Variants in GPC6 observed in about 807,000 individuals in gnomAD.
GPC6 encodes the protein glypican-6.
In GPC6, 14 loss-of-function variants were observed where a neutral mutation model predicts 55.2. That is an observed-to-expected ratio of 0.25 (90% CI 0.17 to 0.40). GPC6 has a LOEUF of 0.40. GPC6 is among the 10% of genes least tolerant of loss of function. The pLI, the probability that GPC6 is intolerant of heterozygous loss-of-function variation, is 1.00. For synonymous variants in GPC6, 278 were observed against 259.6 expected (o/e 1.07, Z -0.68); for missense variants, 641 against 708.5 (o/e 0.90, Z 1.08).
intron 2 of GPC6, among the ~76,000 whole-genome samples, chr13:93,716,802 A>G (rs960311482): frequency 2.6e-5 from 4 of 151,572 alleles, no homozygotes; most frequent in African/African-American, 9.7e-5. Context: ...TCAATCACTG[A>G]CTCACCAAAT....
chr13:94,354,048 A>G (rs1049026480), intron 6 of GPC6, among the ~76,000 whole-genome samples: 1 of 152,248 alleles, frequency 6.6e-6, no homozygotes, highest in Non-Finnish European at 1.5e-5. Flanking sequence ...CCATGGCTAC[A>G]TGTGCTTGAT....
intron 4 of GPC6, among the ~76,000 whole-genome samples, chr13:94,049,388 G>A (rs959725128): frequency 1.4e-4 from 21 of 152,102 alleles, no homozygotes; most frequent in African/African-American, 4.3e-4. Context: ...TGATTGAAGA[G>A]TGGCATCTAT....
chr13:93,578,819 T>A (rs1876797975), intron 2 of GPC6, among the ~76,000 whole-genome samples: 1 of 152,068 alleles, frequency 6.6e-6, no homozygotes, highest in Non-Finnish European at 1.5e-5. Context: ...TGTCTGTGTT[T>A]ATTGTTATAA....
intron 2 of GPC6, among the ~76,000 whole-genome samples, chr13:93,633,634 TCAAA>T (rs1879568802): frequency 7.6e-6 from 1 of 131,632 alleles, no homozygotes; most frequent in Admixed American, 7.8e-5. Flanking sequence ...AGACTCTGTC[TCAAA>T]TAAATAAATA....
At chr13:94,050,197 G>C (rs1200292670) in intron 4 of GPC6, among the ~76,000 whole-genome samples, 1 of 152,062 alleles carries the variant, frequency 6.6e-6, no homozygotes, top group Non-Finnish European at 1.5e-5. Flanking sequence ...GTTTTGTTTT[G>C]CCATATTCTC....
At position 94,237,304 on chromosome 13, in the gene GPC6, CTTCT is replaced by C. The variant is rs201054980; in HGVS notation, c.878-49038_878-49035del. Reference sequence around the variant, plus strand: ...TCCCCCTTTCTTCCTCCCTTCCTTCCTTCTTTCTTTTCTCCATCCTTCCCTTCCT... The same window carrying C: ...TCCCCCTTTCTTCCTCCCTTCCTTCCTTCTTTTCTCCATCCTTCCCTTCCT... On this transcript the variant is annotated intron_variant, in intron 4 of 8. Transcript: ENST00000377047. Among the ~76,000 whole-genome samples, 676 of 149,282 alleles carry C rather than the reference CTTCT, an allele frequency of 4.5e-3. 4 individuals are homozygous for C. Among genetic ancestry groups the C allele is most frequent in the Admixed American group, 8.0e-3 (120 of 14,998 alleles).
chr13:93,595,069 T>C (rs1318863819), intron 2 of GPC6, among the ~76,000 whole-genome samples: 1 of 152,166 alleles, frequency 6.6e-6, no homozygotes, highest in African/African-American at 2.4e-5. Flanking sequence ...GTTTTGACAT[T>C]CTTTTTCTAT....
intron 2 of GPC6, among the ~76,000 whole-genome samples, chr13:93,560,193 G>A (rs560601316): frequency 6.6e-6 from 1 of 152,174 alleles, no homozygotes; most frequent in Admixed American, 6.5e-5. Flanking sequence ...AGATGAAGTT[G>A]AGGAAAGTAT....
At chr13:94,099,182 T>C (rs536998156) in intron 4 of GPC6, among the ~76,000 whole-genome samples, 62 of 152,310 alleles carry the variant, frequency 4.1e-4, no homozygotes, top group Middle Eastern at 3.4e-3. Flanking sequence ...CTTAAATGTC[T>C]TATGGACATA....
At chr13:93,245,596 G>A (rs1386093063) in intron 1 of GPC6, among the ~76,000 whole-genome samples, 1 of 152,180 alleles carries the variant, frequency 6.6e-6, no homozygotes, top group Admixed American at 6.5e-5. Flanking sequence ...TGATGTTGTT[G>A]GGTCAGGTAT....
chr13:93,775,396 T>A (rs1263916015), intron 2 of GPC6, among the ~76,000 whole-genome samples: 2 of 152,166 alleles, frequency 1.3e-5, no homozygotes, highest in African/African-American at 2.4e-5. Context: ...TCATCTAGGT[T>A]TTAGGTTTCG....
At chr13:94,203,062 A>G (rs962997357) in intron 4 of GPC6, among the ~76,000 whole-genome samples, 1 of 151,884 alleles carries the variant, frequency 6.6e-6, no homozygotes, top group African/African-American at 2.4e-5. Context: ...GTGATAGATT[A>G]AAAAGGTTTT....
At chr13:93,365,739 G>A (rs1881223536) in intron 1 of GPC6, among the ~76,000 whole-genome samples, 1 of 151,992 alleles carries the variant, frequency 6.6e-6, no homozygotes, top group Non-Finnish European at 1.5e-5. Context: ...AGGACCAGAT[G>A]ACTGTGTATG....
At chr13:93,548,673 G>T (rs1874958921) in intron 2 of GPC6, among the ~76,000 whole-genome samples, 1 of 152,040 alleles carries the variant, frequency 6.6e-6, no homozygotes, top group African/African-American at 2.4e-5. Context: ...ATACTCATCG[G>T]ATGGTAGGAA....
intron 4 of GPC6, among the ~76,000 whole-genome samples, chr13:94,082,907 G>A (rs566604429): frequency 6.6e-6 from 1 of 152,260 alleles, no homozygotes; most frequent in East Asian, 1.9e-4. Context: ...TGTCCACCCA[G>A]AATGTAGTAT....
At chr13:93,294,514 C>T (rs989523302) in intron 1 of GPC6, among the ~76,000 whole-genome samples, 2 of 152,106 alleles carry the variant, frequency 1.3e-5, no homozygotes, top group African/African-American at 4.8e-5. Context: ...GATTTGGTGC[C>T]TGTGTAAGGT....
intron 4 of GPC6, among the ~76,000 whole-genome samples, chr13:94,060,791 T>C (rs1456713160): frequency 6.6e-6 from 1 of 152,190 alleles, no homozygotes; most frequent in Non-Finnish European, 1.5e-5. Flanking sequence ...GAGTCAAGTG[T>C]CTTCCTGGGA....
At chr13:93,426,673 T>C (rs1444414953) in intron 1 of GPC6, among the ~76,000 whole-genome samples, 1 of 152,050 alleles carries the variant, frequency 6.6e-6, no homozygotes, top group African/African-American at 2.4e-5. Context: ...GTCTTTGCTA[T>C]TGTGAATAGT....
At chr13:93,677,740 G>A (rs185897137) in intron 2 of GPC6, among the ~76,000 whole-genome samples, 2 of 152,066 alleles carry the variant, frequency 1.3e-5, no homozygotes, top group Admixed American at 1.3e-4. Flanking sequence ...CAGAGATAAG[G>A]GTAAAATACT....
Sources: allele counts gnomAD v4.1 joint callset (sites outside exome capture counted in the v4.1 genomes callset), GRCh38; gene constraint gnomAD v4.1.1; transcripts MANE v1.5; gene names NCBI Gene and HGNC (gene_info 2026-07-23, HGNC 2026-07-21).